PLD1: variants seen among roughly 807,000 people sequenced by gnomAD.
The protein encoded by PLD1 is choline phosphatase 1.
PLD1 carries 112 observed loss-of-function variants against 137.1 expected under a neutral mutation model. The ratio of observed to expected loss-of-function variants is 0.82; its 90% CI spans 0.70 to 0.96. PLD1 has a LOEUF of 0.96. PLD1 is among the 40% of genes least tolerant of loss of function. The pLI is 0.00. For missense variants in PLD1, 1,321 were observed against 1,342.0 expected (o/e 0.98, Z 0.24); for synonymous variants, 431 against 454.7 (o/e 0.95, Z 0.66).
chr3:171,662,216 G>T, intron 19 of PLD1, 46 bp from the exon 20 acceptor site: 1 of 1,043,362 alleles, frequency 9.6e-7, no homozygotes, highest in Non-Finnish European at 1.5e-6. Flanking sequence ...CAATGGAGAG[G>T]ACATCAGATA....
chr3:171,655,163 T>A (rs1405617083), intron 21 of PLD1, among the ~76,000 whole-genome samples: 1 of 152,152 alleles, frequency 6.6e-6, no homozygotes, highest in African/African-American at 2.4e-5. Context: ...CATTCTATTC[T>A]TTTTCAAATA....
chr3:171,684,556 A>G (rs1714354236), intron 16 of PLD1, among the ~76,000 whole-genome samples: 1 of 152,024 alleles, frequency 6.6e-6, no homozygotes, highest in African/African-American at 2.4e-5. Context: ...ATGTCTCCCC[A>G]TATTTGTTCT....
chr3:171,735,879 G>A (rs56408987), intron 3 of PLD1, among the ~76,000 whole-genome samples: 308 of 152,208 alleles, frequency 2.0e-3, no homozygotes, highest in South Asian at 0.011. Context: ...TCCTACAAAC[G>A]CTGTTCCTCC....
chr3:171,713,535 AC>A (rs1330018552), intron 9 of PLD1, among the ~76,000 whole-genome samples: 2 of 152,158 alleles, frequency 1.3e-5, no homozygotes, highest in Non-Finnish European at 2.9e-5. Context: ...AAAACAAATC[AC>A]TCTTTTGGTG....
chr3:171,616,468 A>T (rs1733122470), intron 24 of PLD1, among the ~76,000 whole-genome samples: 1 of 152,218 alleles, frequency 6.6e-6, no homozygotes, highest in Admixed American at 6.5e-5. Flanking sequence ...CTAAGGCTGT[A>T]TATGGAATTA....
At chr3:171,773,994 C>T (rs1175015137) in intron 1 of PLD1, among the ~76,000 whole-genome samples, 2 of 152,150 alleles carry the variant, frequency 1.3e-5, no homozygotes, top group East Asian at 1.9e-4. Context: ...ATGATCCGCC[C>T]GCCTCGGCCT....
At chr3:171,768,984 T>C (rs1722165388) in intron 1 of PLD1, among the ~76,000 whole-genome samples, 1 of 152,224 alleles carries the variant, frequency 6.6e-6, no homozygotes, top group Non-Finnish European at 1.5e-5. Flanking sequence ...GAATGCAATG[T>C]GTGTTCCAAA....
chr3:171,648,616 G>T (rs1466632823), intron 21 of PLD1, among the ~76,000 whole-genome samples: 1 of 151,002 alleles, frequency 6.6e-6, no homozygotes, highest in East Asian at 1.9e-4. Context: ...GTGCCGTGGT[G>T]CGATCTCGGC....
At chr3:171,768,523 A>G (rs1722131079) in intron 1 of PLD1, among the ~76,000 whole-genome samples, 1 of 152,258 alleles carries the variant, frequency 6.6e-6, no homozygotes, top group African/African-American at 2.4e-5. Context: ...TGGGCTGTGA[A>G]GAACGGAACT....
In PLD1 at chr3:171,659,087, A is replaced by G. The variant is rs907518153; in HGVS notation, c.2429+126T>C. On this transcript the variant is annotated intron_variant, in intron 21 of 26. Transcript: ENST00000351298. ...CTCAGACTAAAGGCATCAATAACCT[A>G]TTGCTGGCTGAACCAAATTTAAGCT... 3.9e-5 allele frequency: 27 copies of G among 697,222 alleles called. No homozygotes were observed. In the African/African-American group the frequency reaches 4.8e-4, roughly 12 times the overall value. The allele number at this position is 697,222 out of a possible 1,614,324, so 43.2% of individuals were successfully genotyped here.
chr3:171,754,224 G>A (rs1325460649), intron 1 of PLD1, among the ~76,000 whole-genome samples: 1 of 152,166 alleles, frequency 6.6e-6, no homozygotes, highest in Non-Finnish European at 1.5e-5. Flanking sequence ...CTCAGTCACT[G>A]TTTCTGAATG....
chr3:171,698,976 C>CA (rs559343815), intron 12 of PLD1, among the ~76,000 whole-genome samples: 22,083 of 76,890 alleles, frequency 0.29, 2,389 homozygotes, highest in Admixed American at 0.38. Context: ...AACCCCATCT[C>CA]AAAAAAAAAA....
chr3:171,601,036 A>T lies in PLD1; in HGVS notation c.*2042T>A, dbSNP rs2108239635. 6.6e-6 allele frequency: 1 copy of T among 152,338 alleles called. No individual in the cohort carries two copies. Among genetic ancestry groups the T allele is most frequent in the East Asian group, 1.9e-4 (1 of 5,178 alleles). 9.4% of individuals were successfully genotyped at this position (152,338 alleles called of 1,614,324 possible). ...TATCAGAGGGTTCAAAACAGCTTAG[A>T]GGTATCTTGCCTGAATTCTGTTTAC... On this transcript the variant is annotated 3_prime_UTR_variant, in exon 27 of 27. Coordinates refer to ENST00000351298, the MANE Select transcript of PLD1 (RefSeq NM_002662.5).
intron 24 of PLD1, among the ~76,000 whole-genome samples, chr3:171,618,462 T>G (rs142056509): frequency 3.4e-4 from 52 of 152,350 alleles, no homozygotes; most frequent in African/African-American, 9.6e-4. Context: ...TGAAGAAATA[T>G]GTGGCTTTGT....
intron 11 of PLD1, among the ~76,000 whole-genome samples, chr3:171,700,724 G>A (rs1716170461): frequency 6.6e-6 from 1 of 152,142 alleles, no homozygotes; most frequent in Non-Finnish European, 1.5e-5. Flanking sequence ...TTCTGGACAG[G>A]GGAGAAGGAA....
chr3:171,764,923 AG>A (rs1160483407), intron 1 of PLD1, among the ~76,000 whole-genome samples: 1,359 of 26,536 alleles, frequency 0.051, 205 homozygotes, highest in Middle Eastern at 0.083. Flanking sequence ...AAAGAAAGAA[AG>A]GAAAGAAAGG....
intron 16 of PLD1, among the ~76,000 whole-genome samples, chr3:171,680,019 G>A (rs1713796915): frequency 6.6e-6 from 1 of 152,038 alleles, no homozygotes; most frequent in African/African-American, 2.4e-5. Context: ...TCTGTCAGTG[G>A]CTCAGATTCT....
At chr3:171,644,673 A>G (rs1161188622) in intron 22 of PLD1, among the ~76,000 whole-genome samples, 3 of 152,232 alleles carry the variant, frequency 2.0e-5, no homozygotes, top group Non-Finnish European at 4.4e-5. Context: ...ACTATACAAG[A>G]AGGACTAATA....
At position 171,764,919 on chromosome 3, in the gene PLD1, A is replaced by G. The variant is rs1223184710; in HGVS notation, c.-31-26837T>C. ...AGGAAGGAAGGAAGGAAGGAAAGAAAGAAAGGAAAGAAAGGAAAGAAAGAA... is the reference window on the plus strand; with the variant it reads ...AGGAAGGAAGGAAGGAAGGAAAGAAGGAAAGGAAAGAAAGGAAAGAAAGAA... On this transcript the variant is annotated intron_variant, in intron 1 of 26. Transcript: ENST00000351298. Among the ~76,000 whole-genome samples, 194 of 31,402 alleles carry G rather than the reference A, an allele frequency of 6.2e-3. 13 individuals carry two copies. Among genetic ancestry groups the G allele is most frequent in the Middle Eastern group, 0.025 (1 of 40 alleles). The allele number at this position is 31,402 out of a possible 152,430, so 20.6% of individuals were successfully genotyped here. A position where few individuals can be genotyped will look rare whatever the true frequency, so the allele number is the denominator to read the frequency against.
Sources: allele counts gnomAD v4.1 joint callset (sites outside exome capture counted in the v4.1 genomes callset), GRCh38; gene constraint gnomAD v4.1.1; transcripts MANE v1.5; gene names NCBI Gene and HGNC (gene_info 2026-07-23, HGNC 2026-07-21).